Variants in RABGAP1L observed in about 807,000 individuals in gnomAD.
The protein encoded by RABGAP1L is RAB GTPase activating protein 1 like.
In RABGAP1L, 63 loss-of-function variants were observed where a neutral mutation model predicts 137.7. That is an observed-to-expected ratio of 0.46 (90% CI 0.37 to 0.56). The LOEUF (loss-of-function observed/expected upper bound fraction) is 0.56, where lower values mean the gene tolerates loss of function less well. Ranked by LOEUF, RABGAP1L falls within the 20% of genes least tolerant of loss-of-function variation. The pLI is 0.00. For missense variants in RABGAP1L, 1,095 were observed against 1,244.0 expected, an observed-to-expected ratio of 0.88 and a Z score of 1.80; for synonymous variants, 431 against 433.7, an observed-to-expected ratio of 0.99 and a Z score of 0.08.
chr1:174,488,641 T>G (rs1002465691), intron 13 of RABGAP1L, among the ~76,000 whole-genome samples: 2 of 152,122 alleles, frequency 1.3e-5, no homozygotes, highest in African/African-American at 4.8e-5. Context: ...TTCTCTACAT[T>G]TTTTTAAGGC....
chr1:174,689,103 T>G (rs1572817675), intron 15 of RABGAP1L, among the ~76,000 whole-genome samples: 1 of 152,216 alleles, frequency 6.6e-6, no homozygotes, highest in East Asian at 1.9e-4. Context: ...TAGTTTATAA[T>G]CAAGTATTAA....
intron 13 of RABGAP1L, among the ~76,000 whole-genome samples, chr1:174,454,655 T>C (rs1368136177): frequency 2.6e-5 from 4 of 151,018 alleles, no homozygotes; most frequent in Admixed American, 2.6e-4. Context: ...GTTCACGCCA[T>C]TCTCCTGTCT....
At chr1:174,364,534 G>A (rs1157279838) in intron 11 of RABGAP1L, among the ~76,000 whole-genome samples, 3 of 151,950 alleles carry the variant, frequency 2.0e-5, no homozygotes, top group South Asian at 4.1e-4. Flanking sequence ...GATTACAGGC[G>A]TGAGCCACCG....
intron 13 of RABGAP1L, among the ~76,000 whole-genome samples, chr1:174,620,817 A>C (rs978698435): frequency 2.0e-5 from 3 of 152,064 alleles, no homozygotes; most frequent in Admixed American, 1.3e-4. Context: ...AGACACAAAA[A>C]ACCCTTCAAA....
intron 13 of RABGAP1L, among the ~76,000 whole-genome samples, chr1:174,484,662 A>G (rs1373766031): frequency 1.3e-5 from 2 of 152,128 alleles, no homozygotes; most frequent in African/African-American, 4.8e-5. Context: ...CCTTTCCCCA[A>G]TGTATTTTCT....
chr1:174,784,944 A>G (rs548239909), intron 18 of RABGAP1L, among the ~76,000 whole-genome samples: 1 of 152,366 alleles, frequency 6.6e-6, no homozygotes, highest in East Asian at 1.9e-4. Context: ...GCATATTTTA[A>G]ATAGGACCCA....
rs150107178 is a variant in RABGAP1L, at chr1:174,480,546, C to T, written c.1710+86401C>T. On this transcript the variant is annotated intron_variant, in intron 13 of 25. Coordinates refer to ENST00000681986, the MANE Select transcript of RABGAP1L (RefSeq NM_001366446.1). The stretch of plus-strand genomic sequence containing the variant: ...ATTACATCACTCCTTTTCTGCTCCT[C>T]CGCCTTTAAGAGCAAGCTTCTTTAT... Among the ~76,000 whole-genome samples the T allele has an allele frequency of 3.3e-3, 506 of 152,336 alleles. 1 individual carries two copies. Among genetic ancestry groups the T allele is most frequent in the African/African-American group, 0.012 (491 of 41,576 alleles).
chr1:174,434,151 A>ACACACACACACACACACACAC (rs1361968902), intron 13 of RABGAP1L, among the ~76,000 whole-genome samples: 2 of 147,514 alleles, frequency 1.4e-5, no homozygotes, highest in Admixed American at 6.7e-5. Flanking sequence ...ACACACACAC[A>ACACACACACACACACACACAC]CCCTGCCTGG....
intron 19 of RABGAP1L, chr1:174,954,205 C>T (rs1668162845): frequency 6.6e-6 from 1 of 152,184 alleles, no homozygotes; most frequent in South Asian, 2.1e-4. Flanking sequence ...TCTTCCTCCT[C>T]CACTCTTTTC....
chr1:174,223,385 A>G (rs1418926892), intron 3 of RABGAP1L, among the ~76,000 whole-genome samples: 1 of 146,516 alleles, frequency 6.8e-6, no homozygotes, highest in Non-Finnish European at 1.5e-5. Flanking sequence ...GGAGGTTGCA[A>G]TGAACTGAGA....
At chr1:174,291,886 A>T (rs1676643267) in intron 10 of RABGAP1L, among the ~76,000 whole-genome samples, 1 of 151,116 alleles carries the variant, frequency 6.6e-6, no homozygotes, top group Non-Finnish European at 1.5e-5. Flanking sequence ...AAAGAGCCAG[A>T]TTTCGGGTGG....
At chr1:174,569,595 T>C (rs1667833673) in intron 13 of RABGAP1L, among the ~76,000 whole-genome samples, 1 of 152,152 alleles carries the variant, frequency 6.6e-6, no homozygotes, top group Non-Finnish European at 1.5e-5. Context: ...GGCACTCTCA[T>C]CCACAGTGTA....
chr1:174,416,039 C>CATATACATAT (rs1417625903), intron 13 of RABGAP1L, among the ~76,000 whole-genome samples: 1 of 76,556 alleles, frequency 1.3e-5, no homozygotes, highest in African/African-American at 1.1e-4. Flanking sequence ...TATATATACA[C>CATATACATAT]ACACATTTTT....
chr1:174,985,138 T>C (rs193154854), intron 24 of RABGAP1L, among the ~76,000 whole-genome samples: 141 of 152,280 alleles, frequency 9.3e-4, no homozygotes, highest in Non-Finnish European at 1.6e-3. Flanking sequence ...TCCAACACTT[T>C]GGGGAGGCTG....
At chr1:174,286,902 A>G (rs556157165) in intron 10 of RABGAP1L, among the ~76,000 whole-genome samples, 21 of 152,176 alleles carry the variant, frequency 1.4e-4, no homozygotes, top group South Asian at 8.3e-4. Flanking sequence ...GAAAAGATAC[A>G]TGATATGATT....
intron 13 of RABGAP1L, among the ~76,000 whole-genome samples, chr1:174,466,960 GAT>G (rs1422564891): frequency 1.3e-5 from 2 of 152,084 alleles, no homozygotes; most frequent in African/African-American, 4.8e-5. Flanking sequence ...GTGAAATAAT[GAT>G]ATATAAATCA....
intron 13 of RABGAP1L, among the ~76,000 whole-genome samples, chr1:174,636,352 T>A (rs555543678): frequency 1.9e-4 from 29 of 152,168 alleles, no homozygotes; most frequent in South Asian, 1.0e-3. Context: ...ACCCCATCTC[T>A]ACTAAAAATA....
intron 18 of RABGAP1L, among the ~76,000 whole-genome samples, chr1:174,791,495 C>CAT (rs1687859267): frequency 6.6e-6 from 1 of 152,116 alleles, no homozygotes; most frequent in South Asian, 2.1e-4. Context: ...AATACACACA[C>CAT]ATAAAGATAA....
chr1:174,258,804 A>G (rs2148621569), intron 7 of RABGAP1L, among the ~76,000 whole-genome samples: 1 of 151,630 alleles, frequency 6.6e-6, no homozygotes, highest in South Asian at 2.1e-4. Context: ...TGGTGACAGG[A>G]CCTCGCTGTG....
Sources: allele counts gnomAD v4.1 joint callset (sites outside exome capture counted in the v4.1 genomes callset), GRCh38; gene constraint gnomAD v4.1.1; transcripts MANE v1.5; gene names NCBI Gene and HGNC (gene_info 2026-07-23, HGNC 2026-07-21).